PPP4C: variants seen among roughly 807,000 people sequenced by gnomAD.
The protein encoded by PPP4C is protein phosphatase 4 catalytic subunit.
PPP4C carries 10 observed loss-of-function variants against 40.5 expected under a neutral mutation model. The observed-to-expected ratio is 0.25, with a 90% confidence interval of 0.15 to 0.42. The LOEUF is 0.42. Among genes scored for constraint, PPP4C ranks in the 10% least tolerant of loss-of-function variants. The pLI, the probability that PPP4C is intolerant of heterozygous loss-of-function variation, is 1.00. For missense variants in PPP4C, 191 were observed against 416.4 expected (o/e 0.46, Z 4.71); for synonymous variants, 187 against 163.6 (o/e 1.14, Z -1.09).
chr16:30,080,659 ACCAC>A (rs1274720225), intron 2 of PPP4C, among the ~76,000 whole-genome samples: 1 of 151,986 alleles, frequency 6.6e-6, no homozygotes, highest in Non-Finnish European at 1.5e-5. Flanking sequence ...GGCACGCGCC[ACCAC>A]GCCTGGCTAA....
chr16:30,079,559 G>A (rs2072465773), intron 2 of PPP4C, among the ~76,000 whole-genome samples: 2 of 152,198 alleles, frequency 1.3e-5, no homozygotes, highest in Non-Finnish European at 2.9e-5. Flanking sequence ...GTCACTATGA[G>A]CAGTTGATGG....
intron 7 of PPP4C, among the ~76,000 whole-genome samples, chr16:30,084,323 C>T (rs2072572573): frequency 6.6e-6 from 1 of 152,374 alleles, no homozygotes; most frequent in Admixed American, 6.5e-5. Flanking sequence ...GCAGCCGCTG[C>T]TCCACAGTCA....
intron 5 of PPP4C, 105 bp downstream of exon 5, chr16:30,082,952 G>A (rs2072539694): frequency 1.0e-6 from 1 of 997,658 alleles, no homozygotes; most frequent in African/African-American, 1.6e-5. Context: ...CCACCTTGGA[G>A]CTGTGTCACT....
At chr16:30,080,438 G>T (rs1408092481) in intron 2 of PPP4C, among the ~76,000 whole-genome samples, 6 of 151,046 alleles carry the variant, frequency 4.0e-5, no homozygotes, top group African/African-American at 9.7e-5. Context: ...GCACTGCAAG[G>T]AGAAATAAAA....
intron 2 of PPP4C, among the ~76,000 whole-genome samples, chr16:30,076,859 C>T (rs1388354927): frequency 6.6e-6 from 1 of 152,100 alleles, no homozygotes; most frequent in Admixed American, 6.5e-5. Flanking sequence ...AGTTAAAGAC[C>T]CTGTGATTTA....
At chr16:30,081,472 C>A in intron 3 of PPP4C, 162 bp downstream of exon 3, 1 of 598,224 alleles carries the variant, frequency 1.7e-6, no homozygotes, top group Non-Finnish European at 2.9e-6. Flanking sequence ...TTGCTGTGCA[C>A]GTTGGCTCAC....
Position 30,083,542 on chromosome 16 carries a change from G to C in PPP4C, c.452G>C (p.Ser151Thr). The change falls in exon 6 of 9, where the codon AGC (serine) becomes ACC (threonine). Residue 151 changes from serine (S) to threonine (T), a missense_variant. Transcript: ENST00000279387. This position sits in a 1 kb window ranked among gnomAD's most constrained non-coding sequence, Gnocchi z 6.3. ...RYCTEIFDYLSLSAIIDGKIF... is the reference protein window; with the variant it reads ...RYCTEIFDYLTLSAIIDGKIF... ...TGCACTGAGATCTTTGACTACCTCA[G>C]CCTGTCAGCCATCATCGATGGCAAG... 6.2e-7 allele frequency: 1 copy of C among 1,614,158 alleles called. No individual in the cohort carries two copies. The highest frequency in any genetic ancestry group is 8.5e-7 in the Non-Finnish European group (1 of 1,180,022).
In PPP4C at chr16:30,076,484, G is replaced by T. The variant is rs2151023496; in HGVS notation, c.98+9G>T. On this transcript the variant is annotated intron_variant, in intron 2 of 8. Transcript: ENST00000279387. ...CTGTGCGCTAAGGCCAGGTGAGCTCGTTGGCCCTGGGGAAGGGAGGCCAAG... is the reference window on the plus strand; with the variant it reads ...CTGTGCGCTAAGGCCAGGTGAGCTCTTTGGCCCTGGGGAAGGGAGGCCAAG... 1 of 1,603,574 alleles carries T rather than the reference G, an allele frequency of 6.2e-7. No individual in the cohort carries two copies. Among genetic ancestry groups the T allele is most frequent in the South Asian group, 1.1e-5 (1 of 89,652 alleles).
intron 1 of PPP4C, 54 bp from the exon 2 acceptor site, chr16:30,076,261 C>A (rs902877821): frequency 9.5e-7 from 1 of 1,051,626 alleles, no homozygotes; most frequent in Admixed American, 2.3e-5. Context: ...TCGAGTTGTC[C>A]GCTCCGAGCC....
intron 2 of PPP4C, among the ~76,000 whole-genome samples, chr16:30,080,795 G>A (rs983313358): frequency 3.3e-5 from 5 of 152,176 alleles, no homozygotes; most frequent in African/African-American, 7.2e-5. Flanking sequence ...ATGAGCCACC[G>A]CACCTGGCCA....
At chr16:30,078,334 G>A (rs2072442321) in intron 2 of PPP4C, among the ~76,000 whole-genome samples, 1 of 152,202 alleles carries the variant, frequency 6.6e-6, no homozygotes, top group African/African-American at 2.4e-5. Flanking sequence ...GCTAGTCGGA[G>A]GGGAAGTTAG....
In PPP4C at chr16:30,081,324, G is replaced by T; in HGVS notation, c.150+14G>T. The stretch of plus-strand genomic sequence containing the variant: ...TCGCCAGTCACAGTGAGTACCTGCT[G>T]TCCCTGCAGAGCCAGGCCTGGTCTT... On this transcript the variant is annotated intron_variant, in intron 3 of 8. Transcript: ENST00000279387. The T allele has an allele frequency of 6.2e-7, 1 of 1,607,378 alleles. No homozygotes were observed. The highest frequency in any genetic ancestry group is 1.3e-5 in the African/African-American group (1 of 74,898).
chr16:30,079,483 C>T (rs902968980), intron 2 of PPP4C, among the ~76,000 whole-genome samples: 3 of 152,186 alleles, frequency 2.0e-5, no homozygotes, highest in African/African-American at 7.2e-5. Flanking sequence ...CCACCGCGCC[C>T]GGCCTAGCTT....
rs2072553778 is a variant in PPP4C at position 30,083,651 on chromosome 16, G to A, written c.478-4G>A. On this transcript the variant is annotated splice_region_variant and splice_polypyrimidine_tract_variant and intron_variant, in intron 6 of 8. Coordinates refer to ENST00000279387, the MANE Select transcript of PPP4C (RefSeq NM_002720.3). The surrounding 1 kb of genome is among the most constrained non-coding windows in gnomAD (Gnocchi z 6.3). ...CCGTCCTCTTTCCCTGCTCTCCCCT[G>A]TAGATCTTCTGCGTGCACGGGGGCC... is the stretch of plus-strand genomic sequence containing the variant. 1 of 1,614,068 alleles carries A rather than the reference G, an allele frequency of 6.2e-7. No individual in the cohort carries two copies. Among genetic ancestry groups the A allele is most frequent in the African/African-American group, 1.3e-5 (1 of 74,936 alleles).
At chr16:30,084,632 G>C in intron 7 of PPP4C, 34 bp from the exon 8 acceptor site, 1 of 1,600,936 alleles carries the variant, frequency 6.2e-7, no homozygotes, top group Non-Finnish European at 8.6e-7. Context: ...GAAGCCTGAG[G>C]ACATCCCTCT....
chr16:30,083,271 A>G lies in PPP4C; in HGVS notation c.304-123A>G, dbSNP rs2072545069. The G allele has an allele frequency of 8.9e-7, 1 of 1,125,418 alleles. No individual in the cohort carries two copies. The highest frequency in any genetic ancestry group is 1.3e-6 in the Non-Finnish European group (1 of 781,320). The allele number at this position is 1,125,418 out of a possible 1,614,324, so 69.7% of individuals were successfully genotyped here. A position where few individuals can be genotyped will look rare whatever the true frequency, so the allele number is the denominator to read the frequency against. Reference sequence around the variant, plus strand: ...GCTGATGCCACACGATTCAGGCAAGAGGTGCCAGGAGTGTGCTGGGCAGTG... The same window carrying G: ...GCTGATGCCACACGATTCAGGCAAGGGGTGCCAGGAGTGTGCTGGGCAGTG... On this transcript the variant is annotated intron_variant, in intron 5 of 8. Transcript: ENST00000279387. The surrounding 1 kb of genome is among the most constrained non-coding windows in gnomAD (Gnocchi z 6.3).
chr16:30,076,738 TC>T (rs1260731942), intron 2 of PPP4C, among the ~76,000 whole-genome samples: 2 of 152,100 alleles, frequency 1.3e-5, no homozygotes, highest in Non-Finnish European at 2.9e-5. Flanking sequence ...AGGAAACAAG[TC>T]CATCTGTCGG....
intron 2 of PPP4C, among the ~76,000 whole-genome samples, chr16:30,077,728 C>CT (rs986611387): frequency 6.6e-6 from 1 of 152,232 alleles, no homozygotes. Context: ...CTATCCATCT[C>CT]TTCCCCCCAG....
At position 30,083,897 on chromosome 16, in the gene PPP4C, G is replaced by GCCAAAT; in HGVS notation, c.604+116_604+117insCCAAAT. 3.4e-6 allele frequency: 5 copies of GCCAAAT among 1,483,938 alleles called. No individual in the cohort carries two copies. Among genetic ancestry groups the GCCAAAT allele is most frequent in the Non-Finnish European group, 4.6e-6 (5 of 1,091,910 alleles). The allele number at this position is 1,483,938 out of a possible 1,614,324, so 91.9% of individuals were successfully genotyped here. ...CCACCTGCCAAATGGCTGGAACCCT[G>GCCAAAT]GAGGAGGAGCAGGGAGGCCTGCATG... On this transcript the variant is annotated intron_variant, in intron 7 of 8. Transcript: ENST00000279387. This position sits in a 1 kb window ranked among gnomAD's most constrained non-coding sequence, Gnocchi z 6.3.
Sources: allele counts gnomAD v4.1 joint callset (sites outside exome capture counted in the v4.1 genomes callset), GRCh38; gene constraint gnomAD v4.1.1; non-coding constraint Gnocchi (gnomAD v3.1); transcripts MANE v1.5; gene names NCBI Gene and HGNC (gene_info 2026-07-23, HGNC 2026-07-21).